Variants in GNMT observed in about 807,000 individuals in gnomAD.
The protein encoded by GNMT is epididymis secretory sperm binding protein Li 182mP.
A neutral mutation model predicts 30.2 loss-of-function variants in GNMT; 26 were observed. That is an observed-to-expected ratio of 0.86 (90% confidence interval 0.63 to 1.19). The LOEUF (loss-of-function observed/expected upper bound fraction) is 1.19. Ranked by LOEUF, GNMT falls within the 50% of genes most tolerant of loss-of-function variation. The pLI is 0.00. For synonymous variants in GNMT, 163 were observed against 163.8 expected (o/e 1.00, Z 0.04); for missense variants, 365 against 398.1 (o/e 0.92, Z 0.71).
Position 42,963,786 on chromosome 6 carries a change from C to G in GNMT, c.*80C>G. On this transcript the variant is annotated 3_prime_UTR_variant, in exon 6 of 6. Coordinates refer to ENST00000372808, the MANE Select transcript of GNMT (RefSeq NM_018960.6). Reference sequence around the variant, plus strand: ...AAGATGGGGACCAGCAGCCCCACACCAGGGCCAGCCTCTAGAGCAGACTAC... The same window carrying G: ...AAGATGGGGACCAGCAGCCCCACACGAGGGCCAGCCTCTAGAGCAGACTAC... The G allele has an allele frequency of 7.3e-7, 1 of 1,363,690 alleles. No individual in the cohort carries two copies. The highest frequency in any genetic ancestry group is 2.3e-5 in the East Asian group (1 of 43,158). 84.5% of individuals were successfully genotyped at this position (1,363,690 alleles called of 1,614,324 possible). A position where few individuals can be genotyped will look rare whatever the true frequency, so the allele number is the denominator to read the frequency against.
intron 1 of GNMT, among the ~76,000 whole-genome samples, chr6:42,961,182 C>A (rs1272838663): frequency 6.6e-6 from 1 of 152,148 alleles, no homozygotes; most frequent in Non-Finnish European, 1.5e-5. Context: ...GGTAGCGGTT[C>A]GCAGGGAGAG....
Position 42,963,377 on chromosome 6 carries a change from A to G in GNMT, c.644A>G (p.Lys215Arg). The G allele has an allele frequency of 6.2e-7, 1 of 1,613,738 alleles. No individual in the cohort carries two copies. Among genetic ancestry groups the G allele is most frequent in the Non-Finnish European group, 8.5e-7 (1 of 1,179,838 alleles). Reference protein sequence around the residue: ...VTTSVLIVNNKAHMVTLDYTV... With the variant: ...VTTSVLIVNNRAHMVTLDYTV... The stretch of plus-strand genomic sequence containing the variant: ...ACATCAGTGCTGATAGTGAACAACA[A>G]GGCCCACATGGTGACCCTGGACTAT... Residue 215 changes from lysine (K) to arginine (R), a missense_variant, in exon 5 of 6, where the codon AAG becomes AGG. Lys to Arg is a conservative substitution (Grantham distance 26, BLOSUM62 2). Around this residue, in one of 3 missense-constraint regions of GNMT, gnomAD observed 232 missense variants for 263.0 expected, o/e 0.88. Transcript: ENST00000372808.
rs1392951185 is a variant in GNMT, at chr6:42,963,733, T to C, written c.*27T>C. The C allele has an allele frequency of 6.2e-7, 1 of 1,611,270 alleles. No individual in the cohort carries two copies. The highest frequency in any genetic ancestry group is 1.1e-5 in the South Asian group (1 of 91,002). On this transcript the variant is annotated 3_prime_UTR_variant, in exon 6 of 6. Coordinates refer to ENST00000372808, the MANE Select transcript of GNMT (RefSeq NM_018960.6). The stretch of plus-strand genomic sequence containing the variant: ...TGTGGCCTCAGCTCCCACAAGCCTC[T>C]GCCCAGGCACTGCTAGGCTCTGTCT...
chr6:42,963,496 G>A, intron 5 of GNMT, 39 bp from the exon 6 acceptor site: 2 of 1,613,774 alleles, frequency 1.2e-6, no homozygotes, highest in Non-Finnish European at 1.7e-6. Context: ...GGGGAGCTGA[G>A]GTCACCAGTC....
intron 1 of GNMT, 52 bp downstream of exon 1, chr6:42,961,025 G>A: frequency 7.1e-7 from 1 of 1,402,618 alleles, no homozygotes; most frequent in Non-Finnish European, 9.6e-7. Flanking sequence ...GTCTGTCTCA[G>A]CCTGTACTGC....
intron 5 of GNMT, 28 bp from the exon 6 acceptor site, chr6:42,963,507 C>T (rs373616846): frequency 2.5e-6 from 4 of 1,613,634 alleles, no homozygotes; most frequent in Non-Finnish European, 2.5e-6. Context: ...GTCACCAGTC[C>T]TCATGGTTGC....
In GNMT at chr6:42,963,154, C is replaced by A; in HGVS notation, c.534C>A (p.Arg178=). ...RAGGLLVIDH[R]NYDHILSTGC... The stretch of plus-strand genomic sequence containing the variant: ...GGGGCCTACTGGTCATTGATCATCG[C>A]AACTACGACCACATCCTCAGTACAG... Residue 178 remains arginine, a synonymous_variant, in exon 4 of 6, where the codon CGC becomes CGA. Coordinates refer to ENST00000372808, the MANE Select transcript of GNMT (RefSeq NM_018960.6). 1 of 1,611,102 alleles carries A rather than the reference C, an allele frequency of 6.2e-7. No homozygotes were observed. The highest frequency in any genetic ancestry group is 8.5e-7 in the Non-Finnish European group (1 of 1,179,722).
rs895594340 is a variant in GNMT at position 42,961,063 on chromosome 6, C to A, written c.206+90C>A. The A allele has an allele frequency of 3.5e-6, 4 of 1,131,700 alleles. No homozygotes were observed. The African/African-American group carries it at 4.8e-5, about 14-fold the overall frequency. 70.1% of individuals were successfully genotyped at this position (1,131,700 alleles called of 1,614,324 possible). On this transcript the variant is annotated intron_variant, in intron 1 of 5. Coordinates refer to ENST00000372808, the MANE Select transcript of GNMT (RefSeq NM_018960.6). The stretch of plus-strand genomic sequence containing the variant: ...GGCCGCAGAACCACAGGGCCGGGCA[C>A]GTCAGGGCGGCCTTTGCCAATCCTG...
Position 42,963,091 on chromosome 6 carries a change from G to C in GNMT, c.471G>C (p.Arg157=). ...GCTCAGGGGACCAGAGTGAGCACCGGCTGGCGCTGAAAAACATTGCGAGCA... is the reference window on the plus strand; with the variant it reads ...GCTCAGGGGACCAGAGTGAGCACCGCCTGGCGCTGAAAAACATTGCGAGCA... ...PDCKGDQSEH[R]LALKNIASMV... is the part of the protein sequence containing the mutation. The change falls in exon 4 of 6, where the codon CGG becomes CGC. Residue 157 remains arginine (R), a synonymous_variant. Coordinates refer to ENST00000372808, the MANE Select transcript of GNMT (RefSeq NM_018960.6). 1 of 1,612,266 alleles carries C rather than the reference G, an allele frequency of 6.2e-7. No individual in the cohort carries two copies. The highest frequency in any genetic ancestry group is 8.5e-7 in the Non-Finnish European group (1 of 1,179,990).
intron 1 of GNMT, 84 bp downstream of exon 1, chr6:42,961,057 C>G: frequency 2.5e-6 from 3 of 1,192,318 alleles, no homozygotes; most frequent in Non-Finnish European, 3.4e-6. Context: ...ACCACAGGGC[C>G]GGGCACGTCA....
chr6:42,962,445 C>T lies in GNMT; in HGVS notation c.334+106C>T, dbSNP rs574896156. ...CGGGGGTGGAGTGTTGTGTTTTCCT[C>T]GGGGAGACAGAAAAATTACTGTCAT... On this transcript the variant is annotated intron_variant, in intron 2 of 5. Transcript: ENST00000372808. The T allele has an allele frequency of 5.9e-5, 72 of 1,225,740 alleles. 1 individual carries two copies. Among genetic ancestry groups the T allele is most frequent in the South Asian group, 3.5e-4 (27 of 76,440 alleles). 75.9% of individuals were successfully genotyped at this position (1,225,740 alleles called of 1,614,324 possible).
rs1769504322 is a variant in GNMT at position 42,963,059 on chromosome 6, G to A, written c.452-13G>A. 4 of 1,611,148 alleles carry A rather than the reference G, an allele frequency of 2.5e-6. No homozygotes were observed. Among genetic ancestry groups the A allele is most frequent in the Non-Finnish European group, 3.4e-6 (4 of 1,179,962 alleles). On this transcript the variant is annotated splice_polypyrimidine_tract_variant and intron_variant, in intron 3 of 5. Transcript: ENST00000372808. ...GAGCAGATGGAGTCTTTCTGCCCGT[G>A]CCTGGAGCTCAGGGGACCAGAGTGA...
At chr6:42,961,546 TTC>T (rs1374061630) in intron 1 of GNMT, among the ~76,000 whole-genome samples, 1 of 110,612 alleles carries the variant, frequency 9.0e-6, no homozygotes, top group African/African-American at 5.0e-5. Context: ...TGCTCTATTT[TTC>T]TCTTTTTTTT....
At chr6:42,962,116 AAGT>A in intron 1 of GNMT, 93 bp from the exon 2 acceptor site, 1 of 1,359,622 alleles carries the variant, frequency 7.4e-7, no homozygotes, top group Non-Finnish European at 1.1e-6. Flanking sequence ...GGACTCTGAG[AAGT>A]AGAGACAAAA....
rs780937019 is a variant in GNMT, at chr6:42,963,434, G to A, written c.701G>A (p.Gly234Asp). ...TVQVPGAGQD[G>D]SPGLSKFRLS... The stretch of plus-strand genomic sequence containing the variant: ...CAGGTGCCGGGGGCTGGCCAGGATG[G>A]CTCTCCTGGCTTGAGGTACCACTTG... The change falls in exon 5 of 6, where the codon GGC becomes GAC. Residue 234 changes from glycine (G) to aspartate (D), a missense_variant. Physicochemically the swap from Gly to Asp is moderately conservative, Grantham distance 94. This residue lies in a region of GNMT where 232 missense variants were observed against 263.0 expected (regional missense o/e 0.88). Coordinates refer to ENST00000372808, the MANE Select transcript of GNMT (RefSeq NM_018960.6). 2 of 1,613,636 alleles carry A rather than the reference G, an allele frequency of 1.2e-6. No homozygotes were observed. Among genetic ancestry groups the A allele is most frequent in the Admixed American group, 1.7e-5 (1 of 59,992 alleles).
intron 1 of GNMT, among the ~76,000 whole-genome samples, chr6:42,961,514 G>T (rs7759302): frequency 0.091 from 13,703 of 151,166 alleles, 979 homozygotes; most frequent in African/African-American, 0.19. Context: ...TAACAGGCCC[G>T]GGTTGGTTAA....
intron 3 of GNMT, 89 bp downstream of exon 3, chr6:42,962,967 T>A: frequency 6.3e-7 from 1 of 1,575,874 alleles, no homozygotes; most frequent in African/African-American, 1.3e-5. Context: ...CAAAGCAGAC[T>A]CTCTGCCTTG....
Position 42,962,090 on chromosome 6 carries a change from G to A in GNMT, c.207-122G>A, listed in dbSNP as rs143812307. On this transcript the variant is annotated intron_variant, in intron 1 of 5. Transcript: ENST00000372808. ...GAGGTCAGTGGAGAGGGCCTGGGGA[G>A]AGGAGGCAGAGGAACGGACTCTGAG... 7.4e-3 allele frequency: 8,243 copies of A among 1,110,308 alleles called. 47 individuals carry two copies. The highest frequency in any genetic ancestry group is 9.5e-3 in the Non-Finnish European group (7,039 of 740,584). 68.8% of individuals were successfully genotyped at this position (1,110,308 alleles called of 1,614,324 possible). A position where few individuals can be genotyped will look rare whatever the true frequency, so the allele number is the denominator to read the frequency against.
chr6:42,961,550 C>CTT lies in GNMT; in HGVS notation c.206+597_206+598dup, dbSNP rs575786265. Among the ~76,000 whole-genome samples the CTT allele has an allele frequency of 5.7e-4, 75 of 130,628 alleles. 1 individual carries two copies. Among genetic ancestry groups the CTT allele is most frequent in the East Asian group, 7.5e-4 (3 of 3,994 alleles). 85.7% of individuals were successfully genotyped at this position (130,628 alleles called of 152,430 possible). A position where few individuals can be genotyped will look rare whatever the true frequency, so the allele number is the denominator to read the frequency against. ...GATCTGTCCTGTGCTCTATTTTTCT[C>CTT]TTTTTTTTTTTTTTTTTTTTTGAGA... On this transcript the variant is annotated intron_variant, in intron 1 of 5. Transcript: ENST00000372808.
Sources: gnomAD v4.1 joint callset for allele counts (sites outside exome capture counted in the v4.1 genomes callset) on GRCh38, gnomAD v4.1.1 for gene constraint, gnomAD v4.1.1 regional missense constraint, MANE v1.5 for transcripts, NCBI Gene and HGNC (gene_info 2026-07-23, HGNC 2026-07-21) for gene names.